The following NBN variants were observed in gnomAD, a reference collection of about 807,000 sequenced individuals.
The protein encoded by NBN is nibrin, also known as Nijmegen breakage syndrome 1 (nibrin).
In NBN, 88 loss-of-function variants were observed where a neutral mutation model predicts 90.8. That is an observed-to-expected ratio of 0.97 (90% CI 0.82 to 1.16). NBN has a LOEUF of 1.16. Among genes scored for constraint, NBN ranks in the 50% most tolerant of loss-of-function variants. The probability of loss-of-function intolerance (pLI) is 0.00; values close to 1 mark genes in which losing one functional copy is unlikely to be tolerated. For synonymous variants in NBN, 328 were observed against 295.1 expected, an observed-to-expected ratio of 1.11 and a Z score of -1.14; for missense variants, 894 against 869.6, an observed-to-expected ratio of 1.03 and a Z score of -0.35.
At chr8:89,963,318 T>C (rs1303202532) in intron 8 of NBN, among the ~76,000 whole-genome samples, 2 of 152,154 alleles carry the variant, frequency 1.3e-5, no homozygotes, top group Admixed American at 6.5e-5. Context: ...TGAATGATGC[T>C]CCCCGGAGTG....
chr8:89,982,609 C>T (rs1438595313), intron 2 of NBN, 113 bp downstream of exon 2: 3 of 977,202 alleles, frequency 3.1e-6, no homozygotes, highest in African/African-American at 3.2e-5. Context: ...AAAGTCTACA[C>T]AGCTCTATAA....
At position 89,979,508 on chromosome 8, in the gene NBN, T is replaced by C. The variant is rs1805836; in HGVS notation, c.481-1185A>G. Among the ~76,000 whole-genome samples, 1,361 of 152,186 alleles carry C rather than the reference T, an allele frequency of 8.9e-3. 19 individuals are homozygous for C. The highest frequency in any genetic ancestry group is 0.032 in the African/African-American group (1,315 of 41,476). ...CAGTTTACACTTCAGAAAATAAAAG[T>C]TGAACTGAACGCTTTTTTTGTTGTT... On this transcript the variant is annotated intron_variant, in intron 4 of 15. Transcript: ENST00000265433.
chr8:89,946,498 A>G, intron 12 of NBN: 1 of 541,844 alleles, frequency 1.8e-6, no homozygotes, highest in Non-Finnish European at 3.3e-6. Context: ...TGCTCTATAA[A>G]CTTTGGAAAC....
intron 1 of NBN, chr8:89,984,257 G>A: frequency 5.2e-6 from 3 of 571,578 alleles, no homozygotes; most frequent in Non-Finnish European, 9.5e-6. Flanking sequence ...GTGAGGCTGG[G>A]AGGGAGGGGG....
intron 11 of NBN, 21 bp from the exon 12 acceptor site, chr8:89,947,913 A>G: frequency 7.0e-7 from 1 of 1,418,484 alleles, no homozygotes; most frequent in South Asian, 1.2e-5. Flanking sequence ...AAAATAAAAA[A>G]TACTGTTCAT....
At chr8:89,943,905 C>T (rs1419079718) in intron 13 of NBN, among the ~76,000 whole-genome samples, 2 of 151,940 alleles carry the variant, frequency 1.3e-5, no homozygotes, top group Non-Finnish European at 2.9e-5. Context: ...GTGAAAATGC[C>T]CATCAAGATC....
At chr8:89,939,559 A>C (rs1182117284) in intron 14 of NBN, among the ~76,000 whole-genome samples, 1 of 152,226 alleles carries the variant, frequency 6.6e-6, no homozygotes, top group Non-Finnish European at 1.5e-5. Flanking sequence ...GAAGAGTTTA[A>C]GCCATGCCAT....
chr8:89,964,728 T>C (rs1431138394), intron 7 of NBN, among the ~76,000 whole-genome samples: 1 of 151,496 alleles, frequency 6.6e-6, no homozygotes, highest in Non-Finnish European at 1.5e-5. Context: ...ATCTGTAAAA[T>C]AAGGGGCTAA....
In NBN at chr8:89,958,705, C is replaced by T. The variant is rs201436502; in HGVS notation, c.1124+20G>A. 78 of 1,609,060 alleles carry T rather than the reference C, an allele frequency of 4.8e-5. No homozygotes were observed. Among genetic ancestry groups the T allele is most frequent in the East Asian group, 1.3e-4 (6 of 44,844 alleles). On this transcript the variant is annotated intron_variant, in intron 9 of 15. Transcript: ENST00000265433. The stretch of plus-strand genomic sequence containing the variant: ...TATTGATAGAATAATAACAATAGTA[C>T]GGTAATGAAGAAGCTTTACCATGTA...
intron 2 of NBN, chr8:89,981,936 T>C (rs1395667716): frequency 1.7e-6 from 2 of 1,146,372 alleles, no homozygotes; most frequent in Non-Finnish European, 1.1e-6. Context: ...GGTTATAGGC[T>C]AGTGTTTCTG....
At chr8:89,945,164 TTAA>T (rs1810131431) in intron 13 of NBN, among the ~76,000 whole-genome samples, 1 of 152,214 alleles carries the variant, frequency 6.6e-6, no homozygotes, top group African/African-American at 2.4e-5. Flanking sequence ...GAATTTTGAT[TTAA>T]TGAGATCTTA....
At chr8:89,983,579 A>C (rs1433432397) in intron 1 of NBN, among the ~76,000 whole-genome samples, 1 of 152,264 alleles carries the variant, frequency 6.6e-6, no homozygotes, top group Non-Finnish European at 1.5e-5. Context: ...ACTAAGATGC[A>C]CGTGTACATT....
Position 89,947,625 on chromosome 8 carries a change from G to A in NBN, c.1914+199C>T, listed in dbSNP as rs13312941. Among the ~76,000 whole-genome samples, 1,058 of 151,904 alleles carry A rather than the reference G, an allele frequency of 7.0e-3. 13 individuals are homozygous for A. The highest frequency in any genetic ancestry group is 0.024 in the African/African-American group (1,007 of 41,386). ...GCCTGGGCAACAAGAGCGAGATTCC[G>A]TCTCAAAATAAATAAATAAACAAAT... On this transcript the variant is annotated intron_variant, in intron 12 of 15. Coordinates refer to ENST00000265433, the MANE Select transcript of NBN (RefSeq NM_002485.5).
At position 89,943,315 on chromosome 8, in the gene NBN, G is replaced by C. The variant is rs756580887; in HGVS notation, c.2122C>G (p.Leu708Val). The C allele has an allele frequency of 4.3e-6, 7 of 1,612,458 alleles. No individual in the cohort carries two copies. Among genetic ancestry groups the C allele is most frequent in the South Asian group, 1.1e-5 (1 of 91,050 alleles). ...KLPHIIGGSD[L>V]IAHHARKNTE... ...TTCTTTCGAGCATGATGAGCTATTA[G>C]ATCTGATCCTCCAATGATGTGTGGA... Residue 708 changes from leucine to valine, a missense_variant, in exon 14 of 16, where the codon CTA becomes GTA. By Grantham distance (32) the Leu-to-Val change is conservative. Coordinates refer to ENST00000265433, the MANE Select transcript of NBN (RefSeq NM_002485.5).
chr8:89,984,451 A>G (rs1418765893), intron 1 of NBN, 74 bp downstream of exon 1: 12 of 1,406,042 alleles, frequency 8.5e-6, no homozygotes, highest in Middle Eastern at 1.8e-4. Context: ...GCGACGCAGG[A>G]ATCACCCGCA....
chr8:89,941,823 C>T (rs556460318), intron 14 of NBN, among the ~76,000 whole-genome samples: 1 of 152,260 alleles, frequency 6.6e-6, no homozygotes, highest in East Asian at 1.9e-4. Flanking sequence ...TCCATTCTTT[C>T]ATTTTTTAAA....
In NBN at chr8:89,980,881, C is replaced by T. The variant is rs376455714; in HGVS notation, c.333G>A (p.Glu111=). ...VFGSKFRIEY[E]PLVACSSCLD... ...AACAAGAAGAGCATGCAACCAAAGGCTCATACTCTATTCTGTAAATGAGAA... is the reference window on the plus strand; with the variant it reads ...AACAAGAAGAGCATGCAACCAAAGGTTCATACTCTATTCTGTAAATGAGAA... The change falls in exon 4 of 16, where the codon GAG becomes GAA. Residue 111 remains glutamate (E), a synonymous_variant. Coordinates refer to ENST00000265433, the MANE Select transcript of NBN (RefSeq NM_002485.5). 14 of 1,612,510 alleles carry T rather than the reference C, an allele frequency of 8.7e-6. No individual in the cohort carries two copies. Among genetic ancestry groups the T allele is most frequent in the Non-Finnish European group, 1.2e-5 (14 of 1,179,260 alleles).
intron 11 of NBN, among the ~76,000 whole-genome samples, chr8:89,949,464 A>G (rs1263074573): frequency 6.6e-6 from 1 of 152,192 alleles, no homozygotes; most frequent in South Asian, 2.1e-4. Flanking sequence ...GAAATATACT[A>G]TAGACACAGT....
chr8:89,950,908 T>C (rs1031231470), intron 11 of NBN, among the ~76,000 whole-genome samples: 30 of 152,022 alleles, frequency 2.0e-4, no homozygotes, highest in African/African-American at 6.8e-4. Context: ...GAAGATTAAT[T>C]AGCAGTCATC....
Sources: gnomAD v4.1 joint callset for allele counts (sites outside exome capture counted in the v4.1 genomes callset) on GRCh38, gnomAD v4.1.1 for gene constraint, MANE v1.5 for transcripts, NCBI Gene and HGNC (gene_info 2026-07-23, HGNC 2026-07-21) for gene names.